ZNF614: variants seen among roughly 807,000 people sequenced by gnomAD.
ZNF614 encodes the protein zinc finger protein 614.
In ZNF614, 11 loss-of-function variants were observed where a neutral mutation model predicts 12.8. The observed-to-expected ratio is 0.86, with a 90% CI of 0.54 to 1.43. ZNF614 has a LOEUF of 1.43. Ranked by LOEUF, ZNF614 falls within the 40% of genes most tolerant of loss-of-function variation. The pLI, the probability that ZNF614 is intolerant of heterozygous loss-of-function variation, is 0.00. For missense variants in ZNF614, 664 were observed against 708.8 expected (o/e 0.94, Z 0.72); for synonymous variants, 237 against 237.5 (o/e 1.00, Z 0.02).
At chr19:52,026,719 G>T (rs563741357) in intron 1 of ZNF614, among the ~76,000 whole-genome samples, 3 of 152,122 alleles carry the variant, frequency 2.0e-5, no homozygotes, top group African/African-American at 7.2e-5. Flanking sequence ...CTCGTCCCTG[G>T]GAATGGAATG....
intron 1 of ZNF614, 39 bp downstream of exon 1, chr19:52,028,203 A>G (rs1378776322): frequency 6.6e-6 from 1 of 152,396 alleles, no homozygotes; most frequent in Non-Finnish European, 1.5e-5. Context: ...CGGTACACAG[A>G]CCCACAGGCC....
At chr19:52,024,444 T>C (rs2086956401) in intron 2 of ZNF614, among the ~76,000 whole-genome samples, 1 of 152,130 alleles carries the variant, frequency 6.6e-6, no homozygotes, top group Non-Finnish European at 1.5e-5. Context: ...GAGAATTGAA[T>C]TGATGTGTGG....
At chr19:52,020,568 G>A (rs1315736675) in intron 2 of ZNF614, among the ~76,000 whole-genome samples, 1 of 152,204 alleles carries the variant, frequency 6.6e-6, no homozygotes, top group Admixed American at 6.5e-5. Context: ...ATTTTATTGA[G>A]ACTTCATGAT....
chr19:52,016,152 G>T lies in ZNF614; in HGVS notation c.1446C>A (p.Pro482=). The T allele has an allele frequency of 6.2e-7, 1 of 1,614,154 alleles. No homozygotes were observed. The highest frequency in any genetic ancestry group is 8.5e-7 in the Non-Finnish European group (1 of 1,180,036). The change falls in exon 5 of 5, where the codon CCC becomes CCA. Residue 482 remains proline, a synonymous_variant. Coordinates refer to ENST00000270649, the MANE Select transcript of ZNF614 (RefSeq NM_025040.4). ...ATTTTCCGCACTCGGTACATACAAA[G>T]GGAGTCTTTCCTGTATGACATCTCT... ...QHERCHTGKT[P]FVCTECGKSY... is the part of the protein sequence containing the mutation.
intron 2 of ZNF614, among the ~76,000 whole-genome samples, chr19:52,023,862 C>A (rs1278819655): frequency 6.6e-6 from 1 of 152,100 alleles, no homozygotes; most frequent in Non-Finnish European, 1.5e-5. Context: ...GAGCTGGTTG[C>A]CAGGGGAACC....
At chr19:52,019,803 CAATAACTTTTCA>C (rs1173061687) in intron 2 of ZNF614, among the ~76,000 whole-genome samples, 1 of 152,200 alleles carries the variant, frequency 6.6e-6, no homozygotes, top group Non-Finnish European at 1.5e-5. Flanking sequence ...TCCTGCTTCA[CAATAACTTTTCA>C]GAGAACTGCA....
Position 52,016,079 on chromosome 19 carries a change from C to G in ZNF614, c.1519G>C (p.Gly507Arg). The change falls in exon 5 of 5, where the codon GGA becomes CGA. Residue 507 changes from glycine to arginine, a missense_variant. Transcript: ENST00000270649. ...GLITHQRIHT[G>R]EKPYECNECG... ...TCATTGCACTCATAAGGTTTCTCTC[C>G]TGTGTGAATTCTCTGATGGGTAATG... The G allele has an allele frequency of 6.2e-7, 1 of 1,614,114 alleles. No homozygotes were observed. Among genetic ancestry groups the G allele is most frequent in the South Asian group, 1.1e-5 (1 of 91,068 alleles).
In ZNF614 at chr19:52,015,955, A is replaced by G. The variant is rs1474485338; in HGVS notation, c.1643T>C (p.Phe548Ser). The G allele has an allele frequency of 3.1e-6, 5 of 1,614,144 alleles. No homozygotes were observed. The highest frequency in any genetic ancestry group is 3.4e-6 in the Non-Finnish European group (4 of 1,180,008). ...PYGCSDCEKA[F>S]SHLSNLVKHK... is the part of the protein sequence containing the mutation. ...TTTGACAAGGTTTGATAAGTGGGAG[A>G]AGGCTTTCTCACAATCACTGCATCC... The change falls in exon 5 of 5, where the codon TTC becomes TCC. Residue 548 changes from phenylalanine to serine, a missense_variant. By Grantham distance (155) the Phe-to-Ser change is radical. Coordinates refer to ENST00000270649, the MANE Select transcript of ZNF614 (RefSeq NM_025040.4).
At chr19:52,026,668 C>T (rs921244186) in intron 1 of ZNF614, among the ~76,000 whole-genome samples, 1 of 152,138 alleles carries the variant, frequency 6.6e-6, no homozygotes, top group Non-Finnish European at 1.5e-5. Flanking sequence ...AAGAGGAAGG[C>T]CTCTTTGCGG....
chr19:52,016,435 AC>A lies in ZNF614; in HGVS notation c.1162del (p.Val388TyrfsTer210), dbSNP rs1488554379. 1 of 1,614,064 alleles carries A rather than the reference AC, an allele frequency of 6.2e-7. No individual in the cohort carries two copies. The highest frequency in any genetic ancestry group is 8.5e-7 in the Non-Finnish European group (1 of 1,179,986). ...TTCTCCTGTGTGGGAGCGCTGATGTACAATGAGATTGCTCTTCACGGTAAAG... is the reference window on the plus strand; with the variant it reads ...TTCTCCTGTGTGGGAGCGCTGATGTAAATGAGATTGCTCTTCACGGTAAAG... The part of the protein sequence containing the change: ...KGFTVKSNLI[V>X]HQRSHTGEKS... On this transcript the variant is annotated frameshift_variant, in exon 5 of 5. Coordinates refer to ENST00000270649, the MANE Select transcript of ZNF614 (RefSeq NM_025040.4). LOFTEE classifies it low-confidence loss of function (END_TRUNC).
At chr19:52,017,489 G>A in intron 4 of ZNF614, 130 bp from the exon 5 acceptor site, 6 of 820,002 alleles carry the variant, frequency 7.3e-6, no homozygotes, top group Non-Finnish European at 1.1e-5. Context: ...AGATCACGAG[G>A]TCAGGAGTTC....
intron 2 of ZNF614, 23 bp from the exon 3 acceptor site, chr19:52,018,517 A>C: frequency 3.1e-6 from 5 of 1,606,658 alleles, no homozygotes; most frequent in Non-Finnish European, 4.3e-6. Flanking sequence ...AGTCCTATTC[A>C]ATATGATATA....
chr19:52,017,227 A>G lies in ZNF614; in HGVS notation c.371T>C (p.Val124Ala). 2 of 1,614,124 alleles carry G rather than the reference A, an allele frequency of 1.2e-6. No homozygotes were observed. Among genetic ancestry groups the G allele is most frequent in the Non-Finnish European group, 1.7e-6 (2 of 1,180,028 alleles). ...VHLSKTHFPI[V>A]QNHDTFDLYR... Reference sequence around the variant, plus strand: ...CAAGTCAAATGTATCATGATTTTGCACTATAGGAAAATGTGTCTTGCTGAG... The same window carrying G: ...CAAGTCAAATGTATCATGATTTTGCGCTATAGGAAAATGTGTCTTGCTGAG... Residue 124 changes from valine to alanine, a missense_variant, in exon 5 of 5, where the codon GTG becomes GCG. Transcript: ENST00000270649.
In ZNF614 at chr19:52,015,784, G is replaced by T; in HGVS notation, c.*56C>A. The T allele has an allele frequency of 6.7e-7, 1 of 1,489,410 alleles. No individual in the cohort carries two copies. The allele number at this position is 1,489,410 out of a possible 1,614,324, so 92.3% of individuals were successfully genotyped here. On this transcript the variant is annotated 3_prime_UTR_variant, in exon 5 of 5. Coordinates refer to ENST00000270649, the MANE Select transcript of ZNF614 (RefSeq NM_025040.4). ...ACTGATGTTTAATGAAGTCTGAGTT[G>T]CCACAAAAGGCATTTCCATAGTCAC...
rs1362416293 is a variant in ZNF614 at position 52,025,794 on chromosome 19, G to C, written c.-49C>G. On this transcript the variant is annotated 5_prime_UTR_variant, in exon 2 of 5. Transcript: ENST00000270649. The stretch of plus-strand genomic sequence containing the variant: ...TGGATAACATGGACTATACGTCTTT[G>C]TCTCTTCTGCATTTGCCATGAAGTT... 1 of 1,600,632 alleles carries C rather than the reference G, an allele frequency of 6.2e-7. No homozygotes were observed. Among genetic ancestry groups the C allele is most frequent in the Admixed American group, 1.7e-5 (1 of 57,962 alleles).
At chr19:52,025,615 G>T in intron 2 of ZNF614, 116 bp downstream of exon 2, 2 of 1,219,326 alleles carry the variant, frequency 1.6e-6, no homozygotes, top group Non-Finnish European at 2.4e-6. Context: ...ACTCCCAAAA[G>T]CAATGTAAGT....
intron 1 of ZNF614, among the ~76,000 whole-genome samples, chr19:52,027,486 A>G (rs2086982875): frequency 6.6e-6 from 1 of 152,190 alleles, no homozygotes; most frequent in Non-Finnish European, 1.5e-5. Flanking sequence ...AGCCATGCCA[A>G]ATTGTCTATC....
chr19:52,017,415 C>T, intron 4 of ZNF614, 56 bp from the exon 5 acceptor site: 9 of 1,503,530 alleles, frequency 6.0e-6, no homozygotes, highest in Non-Finnish European at 8.0e-6. Flanking sequence ...GATAAAAATG[C>T]TTATGAGGCC....
At position 52,016,041 on chromosome 19, in the gene ZNF614, G is replaced by A; in HGVS notation, c.1557C>T (p.Ala519=). The part of the protein sequence containing the change: ...KPYECNECGK[A]FTTKSVLNVH... ...CATTGAGTACTGACTTTGTGGTGAA[G>A]GCTTTTCCACATTCATTGCACTCAT... Residue 519 remains alanine (A), a synonymous_variant, in exon 5 of 5, where the codon GCC becomes GCT. Transcript: ENST00000270649. The A allele has an allele frequency of 6.2e-7, 1 of 1,614,190 alleles. No individual in the cohort carries two copies.
Sources: gnomAD v4.1 joint callset for allele counts (sites outside exome capture counted in the v4.1 genomes callset) on GRCh38, gnomAD v4.1.1 for gene constraint, MANE v1.5 for transcripts, NCBI Gene and HGNC (gene_info 2026-07-23, HGNC 2026-07-21) for gene names.